Variants in TMEM132C observed in about 807,000 individuals in gnomAD.
TMEM132C encodes the protein protein phosphatase 1, regulatory subunit 152.
A neutral mutation model predicts 61.4 loss-of-function variants in TMEM132C; 29 were observed. The observed-to-expected ratio is 0.47, with a 90% CI of 0.35 to 0.64. TMEM132C has a LOEUF of 0.64. Ranked by LOEUF, TMEM132C falls within the 30% of genes least tolerant of loss-of-function variation. The pLI, the probability that TMEM132C is intolerant of heterozygous loss-of-function variation, is 0.00. For synonymous variants in TMEM132C, 656 were observed against 633.1 expected (o/e 1.04, Z -0.54); for missense variants, 1,408 against 1,476.9 (o/e 0.95, Z 0.76).
In TMEM132C at chr12:128,654,024, G is replaced by A. The variant is rs562486069; in HGVS notation, c.1306-15393G>A. Reference sequence around the variant, plus strand: ...TACTCTGCTGTGTTGAATGTCAAATGTGGCAATGATTTATGTGAAAATTCT... The same window carrying A: ...TACTCTGCTGTGTTGAATGTCAAATATGGCAATGATTTATGTGAAAATTCT... On this transcript the variant is annotated intron_variant, in intron 4 of 8. Coordinates refer to ENST00000435159, the MANE Select transcript of TMEM132C (RefSeq NM_001136103.3). Among the ~76,000 whole-genome samples, 38 of 152,348 alleles carry A rather than the reference G, an allele frequency of 2.5e-4. No homozygotes were observed. In the South Asian group the frequency reaches 5.8e-3, roughly 23 times the overall value.
intron 2 of TMEM132C, among the ~76,000 whole-genome samples, chr12:128,444,858 T>C (rs1489483163): frequency 6.6e-6 from 1 of 152,040 alleles, no homozygotes; most frequent in Non-Finnish European, 1.5e-5. Flanking sequence ...GGAACGACCA[T>C]TAGGAAGTGG....
At chr12:128,563,939 T>C (rs1017064763) in intron 3 of TMEM132C, among the ~76,000 whole-genome samples, 2 of 152,170 alleles carry the variant, frequency 1.3e-5, no homozygotes, top group African/African-American at 4.8e-5. Context: ...AGGATGTAAA[T>C]AACTCCCACA....
At chr12:128,473,357 C>T (rs796129909) in intron 2 of TMEM132C, among the ~76,000 whole-genome samples, 2 of 128,384 alleles carry the variant, frequency 1.6e-5, no homozygotes, top group Non-Finnish European at 3.4e-5. Flanking sequence ...TTCATCTTCA[C>T]TCCAGCCTCT....
chr12:128,559,102 CACACACACACACAA>C (rs1250975476), intron 3 of TMEM132C, among the ~76,000 whole-genome samples: 1 of 151,740 alleles, frequency 6.6e-6, no homozygotes, highest in Non-Finnish European at 1.5e-5. Flanking sequence ...TGCAAACACA[CACACACACACACAA>C]ACACACACAC....
Position 128,696,097 on chromosome 12 carries a change from C to T in TMEM132C, c.1923C>T (p.Thr641=), listed in dbSNP as rs1386097031. ...VLVGREVGMT[T]IQVLSPLSDS... ...TTGGGCGAGAGGTTGGGATGACGAC[C>T]ATCCAGGTAGGAAGCTGGGAGTCTC... Residue 641 remains threonine, a synonymous_variant, in exon 7 of 9, where the codon ACC becomes ACT. Coordinates refer to ENST00000435159, the MANE Select transcript of TMEM132C (RefSeq NM_001136103.3). The T allele has an allele frequency of 9.0e-6, 14 of 1,550,986 alleles. No individual in the cohort carries two copies. The highest frequency in any genetic ancestry group is 2.4e-5 in the East Asian group (1 of 40,906).
At chr12:128,483,993 C>G (rs1005770727) in intron 2 of TMEM132C, among the ~76,000 whole-genome samples, 2 of 151,896 alleles carry the variant, frequency 1.3e-5, no homozygotes, top group Admixed American at 1.3e-4. Flanking sequence ...GGTAAAAATA[C>G]TACAGATATG....
At chr12:128,659,638 C>T (rs986041232) in intron 4 of TMEM132C, among the ~76,000 whole-genome samples, 1 of 152,184 alleles carries the variant, frequency 6.6e-6, no homozygotes, top group Non-Finnish European at 1.5e-5. Flanking sequence ...GGGAGGCACT[C>T]ACAGGAATGG....
At chr12:128,320,169 C>T (rs1218040724) in intron 1 of TMEM132C, among the ~76,000 whole-genome samples, 1 of 152,078 alleles carries the variant, frequency 6.6e-6, no homozygotes, top group Non-Finnish European at 1.5e-5. Flanking sequence ...GGATGAATTG[C>T]CCTTGTCATA....
chr12:128,412,211 C>G (rs192750491), intron 1 of TMEM132C, among the ~76,000 whole-genome samples: 291 of 152,232 alleles, frequency 1.9e-3, no homozygotes, highest in Admixed American at 2.9e-3. Flanking sequence ...TTTACTCACC[C>G]GTGTTGATAT....
At chr12:128,543,840 T>G in intron 2 of TMEM132C, 117 bp from the exon 3 acceptor site, 1 of 1,372,606 alleles carries the variant, frequency 7.3e-7, no homozygotes, top group Non-Finnish European at 9.7e-7. Context: ...TCACTAGATA[T>G]GAAAAAAGTG....
At chr12:128,369,399 A>T (rs1289585035) in intron 1 of TMEM132C, among the ~76,000 whole-genome samples, 1 of 152,242 alleles carries the variant, frequency 6.6e-6, no homozygotes, top group Non-Finnish European at 1.5e-5. Context: ...AATGTTTACT[A>T]TGAAAACATT....
chr12:128,300,366 C>T (rs1295047260), intron 1 of TMEM132C, among the ~76,000 whole-genome samples: 2 of 152,094 alleles, frequency 1.3e-5, no homozygotes, highest in South Asian at 2.1e-4. Context: ...CTGGGACCTT[C>T]CTGAAAAGCA....
chr12:128,699,366 A>G (rs981885883), intron 8 of TMEM132C, among the ~76,000 whole-genome samples: 4 of 152,138 alleles, frequency 2.6e-5, no homozygotes, highest in Non-Finnish European at 4.4e-5. Flanking sequence ...CTGAGTTCTT[A>G]CCAGGATGCT....
At position 128,267,776 on chromosome 12, in the gene TMEM132C, G is replaced by C. The variant is rs924790965; in HGVS notation, c.85+289G>C. On this transcript the variant is annotated intron_variant, in intron 1 of 8. Transcript: ENST00000435159. ...GGATGAGGAGGGGGCGTGGCTGAGG[G>C]ACACGGTGTTTGTTCCCCATCCCTG... Among the ~76,000 whole-genome samples, 4 of 152,304 alleles carry C rather than the reference G, an allele frequency of 2.6e-5. No individual in the cohort carries two copies. In the East Asian group the frequency reaches 7.8e-4, roughly 30 times the overall value.
At chr12:128,340,912 C>T (rs548794106) in intron 1 of TMEM132C, among the ~76,000 whole-genome samples, 1,850 of 106,946 alleles carry the variant, frequency 0.017, 41 homozygotes, top group African/African-American at 0.075. Flanking sequence ...CTTTCTCTCT[C>T]TCTTTCTCTC....
At chr12:128,477,109 T>G (rs1315361040) in intron 2 of TMEM132C, among the ~76,000 whole-genome samples, 1 of 152,176 alleles carries the variant, frequency 6.6e-6, no homozygotes, top group African/African-American at 2.4e-5. Flanking sequence ...TAAAACAACA[T>G]TCATTTATGA....
chr12:128,302,819 C>T (rs1014161929), intron 1 of TMEM132C, among the ~76,000 whole-genome samples: 4 of 152,180 alleles, frequency 2.6e-5, no homozygotes, highest in Non-Finnish European at 5.9e-5. Context: ...AATGATGGTT[C>T]AGAGTTGAAT....
At chr12:128,628,048 C>G (rs1341403128) in intron 4 of TMEM132C, among the ~76,000 whole-genome samples, 1 of 152,186 alleles carries the variant, frequency 6.6e-6, no homozygotes, top group Admixed American at 6.5e-5. Flanking sequence ...TGGTATCGCA[C>G]CTGCCCATCT....
intron 3 of TMEM132C, among the ~76,000 whole-genome samples, chr12:128,566,916 A>C (rs180705569): frequency 1.7e-4 from 26 of 152,302 alleles, no homozygotes; most frequent in African/African-American, 5.1e-4. Flanking sequence ...AATTAAATTA[A>C]TGTGCTTCTA....
Sources: gnomAD v4.1 joint callset for allele counts (sites outside exome capture counted in the v4.1 genomes callset) on GRCh38, gnomAD v4.1.1 for gene constraint, MANE v1.5 for transcripts, NCBI Gene and HGNC (gene_info 2026-07-23, HGNC 2026-07-21) for gene names.